NKAIN3: variants seen among roughly 807,000 people sequenced by gnomAD.
The protein encoded by NKAIN3 is sodium/potassium-transporting ATPase subunit beta-1-interacting protein 3.
Under a neutral mutation model 30.2 loss-of-function variants are expected in NKAIN3, and 25 were observed. The ratio of observed to expected loss-of-function variants is 0.83; its 90% CI spans 0.60 to 1.16. NKAIN3 has a LOEUF of 1.16. NKAIN3 is among the 50% of genes most tolerant of loss of function. The probability of loss-of-function intolerance (pLI) is 0.00; values close to 1 mark genes in which losing one functional copy is unlikely to be tolerated. For synonymous variants in NKAIN3, 91 were observed against 89.6 expected, an observed-to-expected ratio of 1.02 and a Z score of -0.09; for missense variants, 225 against 254.1, an observed-to-expected ratio of 0.89 and a Z score of 0.78.
chr8:62,550,380 C>T (rs1028932692), intron 1 of NKAIN3, among the ~76,000 whole-genome samples: 2 of 152,106 alleles, frequency 1.3e-5, no homozygotes, highest in African/African-American at 2.4e-5. Context: ...CTTTTAGGAA[C>T]GTAATGATTT....
At chr8:62,813,741 C>T (rs1400570080) in intron 4 of NKAIN3, among the ~76,000 whole-genome samples, 1 of 151,846 alleles carries the variant, frequency 6.6e-6, no homozygotes, top group Non-Finnish European at 1.5e-5. Context: ...ATTTTCTCTA[C>T]CAGTAAACTT....
intron 5 of NKAIN3, among the ~76,000 whole-genome samples, chr8:62,953,488 C>T (rs1050700721): frequency 5.9e-5 from 9 of 152,072 alleles, no homozygotes; most frequent in African/African-American, 2.2e-4. Context: ...GATTGTGTGG[C>T]TTCTCAAATG....
intron 1 of NKAIN3, among the ~76,000 whole-genome samples, chr8:62,399,334 C>T (rs943076579): frequency 3.9e-4 from 59 of 152,072 alleles, no homozygotes; most frequent in African/African-American, 1.3e-3. Flanking sequence ...GGTGAAACCC[C>T]ATCTCTACTA....
chr8:62,257,484 T>C (rs1388128014), intron 1 of NKAIN3, among the ~76,000 whole-genome samples: 4 of 152,224 alleles, frequency 2.6e-5, no homozygotes, highest in African/African-American at 9.6e-5. Flanking sequence ...TGCCAAGAGA[T>C]GTATTGAATT....
chr8:62,871,566 T>C (rs984978925), intron 4 of NKAIN3, among the ~76,000 whole-genome samples: 2 of 152,186 alleles, frequency 1.3e-5, no homozygotes, highest in Non-Finnish European at 2.9e-5. Context: ...ATACATTAGG[T>C]CTCCAGAACT....
At chr8:62,963,807 G>A (rs542394201) in intron 6 of NKAIN3, among the ~76,000 whole-genome samples, 12 of 152,290 alleles carry the variant, frequency 7.9e-5, no homozygotes, top group African/African-American at 2.2e-4. Flanking sequence ...GCGTGCAGGA[G>A]GGAGTTGTTC....
intron 5 of NKAIN3, among the ~76,000 whole-genome samples, chr8:62,939,117 A>G (rs1822871717): frequency 6.6e-6 from 1 of 152,166 alleles, no homozygotes; most frequent in Admixed American, 6.6e-5. Flanking sequence ...ACACTGGGAA[A>G]TCTCAGCAAT....
rs189640650 is a variant in NKAIN3, at chr8:62,460,756, C to G, written c.55-118783C>G. On this transcript the variant is annotated intron_variant, in intron 1 of 6. Coordinates refer to ENST00000623646, the MANE Select transcript of NKAIN3 (RefSeq NM_001304533.3). ...TACTCGATAGACCTCACTTGCACAA[C>G]TCTCTGTACTTGACATTACTCAGAG... Among the ~76,000 whole-genome samples, 434 of 152,300 alleles carry G rather than the reference C, an allele frequency of 2.8e-3. 6 individuals are homozygous for G. The highest frequency in any genetic ancestry group is 9.6e-3 in the African/African-American group (399 of 41,568).
At chr8:62,554,209 T>C (rs960887290) in intron 1 of NKAIN3, among the ~76,000 whole-genome samples, 3 of 152,330 alleles carry the variant, frequency 2.0e-5, no homozygotes, top group Admixed American at 6.5e-5. Context: ...ACATCACTAC[T>C]GTTAAAAACA....
At chr8:62,601,393 C>G (rs921936748) in intron 3 of NKAIN3, among the ~76,000 whole-genome samples, 2 of 151,958 alleles carry the variant, frequency 1.3e-5, no homozygotes, top group African/African-American at 4.8e-5. Flanking sequence ...ACAGAAATAG[C>G]ATCCTAGAAT....
At chr8:62,821,711 C>T (rs1407498581) in intron 4 of NKAIN3, among the ~76,000 whole-genome samples, 2 of 152,094 alleles carry the variant, frequency 1.3e-5, no homozygotes, top group Admixed American at 6.6e-5. Context: ...TAAAATATGA[C>T]ATATAAGCTT....
chr8:62,256,374 A>G (rs377030367), intron 1 of NKAIN3, among the ~76,000 whole-genome samples: 1 of 152,220 alleles, frequency 6.6e-6, no homozygotes, highest in African/African-American at 2.4e-5. Flanking sequence ...AGCTATGATC[A>G]TGCCACTGCA....
chr8:62,536,007 C>T (rs930766003), intron 1 of NKAIN3, among the ~76,000 whole-genome samples: 3 of 152,052 alleles, frequency 2.0e-5, no homozygotes, highest in African/African-American at 7.2e-5. Flanking sequence ...CATGGATGAA[C>T]ACCAATATAT....
intron 4 of NKAIN3, among the ~76,000 whole-genome samples, chr8:62,827,104 G>A (rs968472855): frequency 6.6e-6 from 1 of 152,162 alleles, no homozygotes; most frequent in Non-Finnish European, 1.5e-5. Flanking sequence ...CAAACCAAAA[G>A]GCTGGTATCA....
intron 1 of NKAIN3, among the ~76,000 whole-genome samples, chr8:62,306,569 TG>T (rs1447526602): frequency 4.1e-5 from 6 of 147,638 alleles, no homozygotes; most frequent in African/African-American, 1.6e-4. Context: ...TGTGTGTGTG[TG>T]TGTGTGTTGT....
chr8:62,317,026 G>A (rs369912335), intron 1 of NKAIN3, among the ~76,000 whole-genome samples: 1 of 152,186 alleles, frequency 6.6e-6, no homozygotes, highest in Non-Finnish European at 1.5e-5. Flanking sequence ...CTGATGGCCA[G>A]TGATGATGAG....
intron 3 of NKAIN3, among the ~76,000 whole-genome samples, chr8:62,694,727 G>A (rs1814097625): frequency 1.3e-5 from 2 of 152,110 alleles, no homozygotes; most frequent in South Asian, 2.1e-4. Context: ...GACCCATCCA[G>A]CAAATGAGTA....
chr8:62,491,622 C>T (rs950020258), intron 1 of NKAIN3, among the ~76,000 whole-genome samples: 34 of 152,060 alleles, frequency 2.2e-4, no homozygotes, highest in African/African-American at 7.0e-4. Context: ...ATTTTAAAAG[C>T]GTTACAAATT....
At chr8:62,576,127 G>T (rs1229355808) in intron 1 of NKAIN3, among the ~76,000 whole-genome samples, 2 of 151,970 alleles carry the variant, frequency 1.3e-5, no homozygotes, top group Non-Finnish European at 2.9e-5. Flanking sequence ...ATCACATCGA[G>T]TTAAAAAGCT....
Sources: gnomAD v4.1 joint callset for allele counts (sites outside exome capture counted in the v4.1 genomes callset) on GRCh38, gnomAD v4.1.1 for gene constraint, MANE v1.5 for transcripts, NCBI Gene and HGNC (gene_info 2026-07-23, HGNC 2026-07-21) for gene names.